NAALADL2: variants seen among roughly 807,000 people sequenced by gnomAD.
The protein encoded by NAALADL2 is inactive N-acetylated-alpha-linked acidic dipeptidase-like protein 2.
NAALADL2 carries 76 observed loss-of-function variants against 87.2 expected under a neutral mutation model. The ratio of observed to expected loss-of-function variants is 0.87; its 90% CI spans 0.72 to 1.05. The LOEUF is 1.05. Ranked by LOEUF, NAALADL2 falls within the 50% of genes least tolerant of loss-of-function variation. NAALADL2 has a pLI of 0.00. For synonymous variants in NAALADL2, 354 were observed against 331.0 expected, an observed-to-expected ratio of 1.07 and a Z score of -0.75; for missense variants, 1,089 against 945.8, an observed-to-expected ratio of 1.15 and a Z score of -1.99.
chr3:175,742,587 C>G (rs1170909207), intron 12 of NAALADL2, among the ~76,000 whole-genome samples: 1 of 151,918 alleles, frequency 6.6e-6, no homozygotes, highest in East Asian at 1.9e-4. Context: ...TTAGTAGAGA[C>G]GGGGTTTCAC....
chr3:174,725,387 A>G (rs2108964406), intron 2 of NAALADL2, among the ~76,000 whole-genome samples: 1 of 152,276 alleles, frequency 6.6e-6, no homozygotes, highest in Non-Finnish European at 1.5e-5. Flanking sequence ...TTTACCTAGT[A>G]CTGCTTCATA....
At chr3:175,493,951 G>A (rs1728468012) in intron 9 of NAALADL2, among the ~76,000 whole-genome samples, 1 of 151,954 alleles carries the variant, frequency 6.6e-6, no homozygotes, top group Non-Finnish European at 1.5e-5. Context: ...TGGATGTATT[G>A]GTGTAATTTC....
intron 11 of NAALADL2, among the ~76,000 whole-genome samples, chr3:175,731,003 T>G (rs572267981): frequency 6.6e-6 from 1 of 152,124 alleles, no homozygotes; most frequent in Non-Finnish European, 1.5e-5. Context: ...GAAACATAGG[T>G]TTTTGTATTT....
intron 1 of NAALADL2, among the ~76,000 whole-genome samples, chr3:175,000,043 A>G (rs1748021851): frequency 6.6e-6 from 1 of 152,210 alleles, no homozygotes; most frequent in Non-Finnish European, 1.5e-5. Context: ...AGAAATGTAA[A>G]TTAATTCTCC....
At chr3:174,844,858 T>C (rs1724422548) in intron 3 of NAALADL2, among the ~76,000 whole-genome samples, 1 of 143,350 alleles carries the variant, frequency 7.0e-6, no homozygotes, top group Non-Finnish European at 1.5e-5. Context: ...TTTTTTTTTT[T>C]TTTTGGGGGA....
chr3:175,242,627 T>C (rs556852921), intron 3 of NAALADL2, among the ~76,000 whole-genome samples: 154 of 152,364 alleles, frequency 1.0e-3, no homozygotes, highest in Non-Finnish European at 1.9e-3. Flanking sequence ...TTATTCCTTA[T>C]ATTTTAATTT....
At position 175,445,317 on chromosome 3, in the gene NAALADL2, G is replaced by C. The variant is rs147160584; in HGVS notation, c.1091-1912G>C. Among the ~76,000 whole-genome samples, 833 of 151,916 alleles carry C rather than the reference G, an allele frequency of 5.5e-3. 5 individuals are homozygous for C. The highest frequency in any genetic ancestry group is 8.7e-3 in the Non-Finnish European group (589 of 67,952). ...TTATTTTTTATTTTTTGAAGTTATA[G>C]ATGCATTTAGTTCATGTAAATAGTC... On this transcript the variant is annotated intron_variant, in intron 5 of 13. Coordinates refer to ENST00000454872, the MANE Select transcript of NAALADL2 (RefSeq NM_207015.3).
intron 2 of NAALADL2, among the ~76,000 whole-genome samples, chr3:174,733,145 G>T (rs1290800684): frequency 6.6e-6 from 1 of 152,142 alleles, no homozygotes; most frequent in Non-Finnish European, 1.5e-5. Flanking sequence ...GGAGCTAGTG[G>T]TAAATGTTGG....
At chr3:175,124,576 A>G (rs1254095481) in intron 2 of NAALADL2, 2 of 152,024 alleles carry the variant, frequency 1.3e-5, no homozygotes, top group African/African-American at 4.8e-5. Flanking sequence ...TTTGTCATAT[A>G]GCCTTCCCTA....
chr3:174,875,896 T>G (rs1728444545), intron 1 of NAALADL2, among the ~76,000 whole-genome samples: 1 of 151,946 alleles, frequency 6.6e-6, no homozygotes, highest in Admixed American at 6.6e-5. Flanking sequence ...AAATGAAAAA[T>G]ACCTCAATCA....
intron 11 of NAALADL2, among the ~76,000 whole-genome samples, chr3:175,673,757 T>G (rs1432108971): frequency 6.6e-6 from 1 of 152,070 alleles, no homozygotes; most frequent in Non-Finnish European, 1.5e-5. Flanking sequence ...TATAAAAATT[T>G]CAATCAACCC....
intron 1 of NAALADL2, among the ~76,000 whole-genome samples, chr3:174,991,422 G>GA (rs1746726613): frequency 6.6e-6 from 1 of 151,892 alleles, no homozygotes. Context: ...TCAAAATTAT[G>GA]AAAATGTTAC....
At chr3:174,922,268 C>A (rs1455553822) in intron 1 of NAALADL2, among the ~76,000 whole-genome samples, 2 of 150,214 alleles carry the variant, frequency 1.3e-5, no homozygotes, top group African/African-American at 4.9e-5. Context: ...TGTGATCATG[C>A]CACTGCACTC....
chr3:174,706,125 C>T (rs1424034453), intron 2 of NAALADL2, among the ~76,000 whole-genome samples: 1 of 152,102 alleles, frequency 6.6e-6, no homozygotes, highest in Non-Finnish European at 1.5e-5. Context: ...ACATGTAAAA[C>T]AACAATAAAA....
intron 1 of NAALADL2, among the ~76,000 whole-genome samples, chr3:174,886,633 G>A (rs138186939): frequency 6.6e-6 from 1 of 152,156 alleles, no homozygotes; most frequent in African/African-American, 2.4e-5. Context: ...TATTCTCCTG[G>A]TGCCAGACTC....
intron 2 of NAALADL2, among the ~76,000 whole-genome samples, chr3:174,633,810 T>C (rs1214916049): frequency 1.3e-5 from 2 of 152,188 alleles, no homozygotes. Context: ...CCATGATTCA[T>C]CATTAAATGA....
chr3:175,008,187 A>T (rs907254427), intron 1 of NAALADL2, among the ~76,000 whole-genome samples: 2 of 152,074 alleles, frequency 1.3e-5, no homozygotes, highest in African/African-American at 4.8e-5. Flanking sequence ...AGACCAGCCT[A>T]GCCAACATAG....
intron 2 of NAALADL2, among the ~76,000 whole-genome samples, chr3:175,213,671 C>T (rs1279507147): frequency 6.6e-6 from 1 of 152,134 alleles, no homozygotes; most frequent in Non-Finnish European, 1.5e-5. Context: ...AGGCACTGTG[C>T]TAAGTCCTTT....
chr3:174,663,282 T>C (rs1435609756), intron 2 of NAALADL2, among the ~76,000 whole-genome samples: 1 of 152,150 alleles, frequency 6.6e-6, no homozygotes, highest in African/African-American at 2.4e-5. Context: ...TTTGTAGATA[T>C]GAGTGTTTAA....
Sources: gnomAD v4.1 joint callset for allele counts (sites outside exome capture counted in the v4.1 genomes callset) on GRCh38, gnomAD v4.1.1 for gene constraint, MANE v1.5 for transcripts, NCBI Gene and HGNC (gene_info 2026-07-23, HGNC 2026-07-21) for gene names.